SLC24A3: variants seen among roughly 807,000 people sequenced by gnomAD.
SLC24A3 encodes solute carrier family 24 member 3.
A neutral mutation model predicts 75.8 loss-of-function variants in SLC24A3; 28 were observed. That is an observed-to-expected ratio of 0.37 (90% confidence interval 0.27 to 0.51). SLC24A3 has a LOEUF of 0.51. Among genes scored for constraint, SLC24A3 ranks in the 20% least tolerant of loss-of-function variants. SLC24A3 has a pLI of 0.94. For synonymous variants in SLC24A3, 372 were observed against 334.1 expected, an observed-to-expected ratio of 1.11 and a Z score of -1.24; for missense variants, 663 against 847.8, an observed-to-expected ratio of 0.78 and a Z score of 2.71.
chr20:19,603,317 G>A (rs2031552966), intron 6 of SLC24A3, among the ~76,000 whole-genome samples: 1 of 152,176 alleles, frequency 6.6e-6, no homozygotes, highest in South Asian at 2.1e-4. Context: ...CAGCTCAGCA[G>A]GGGGTGATGG....
intron 3 of SLC24A3, among the ~76,000 whole-genome samples, chr20:19,552,637 C>A (rs192456397): frequency 6.6e-6 from 1 of 152,306 alleles, no homozygotes; most frequent in African/African-American, 2.4e-5. Context: ...GAAACAGCAC[C>A]TGATTTCAGC....
At chr20:19,436,046 C>A (rs1987195528) in intron 2 of SLC24A3, among the ~76,000 whole-genome samples, 1 of 152,112 alleles carries the variant, frequency 6.6e-6, no homozygotes, top group Admixed American at 6.5e-5. Flanking sequence ...AGTTCAAATG[C>A]AAATAGTGGA....
chr20:19,239,459 C>T (rs1199873717), intron 1 of SLC24A3, among the ~76,000 whole-genome samples: 1 of 152,198 alleles, frequency 6.6e-6, no homozygotes, highest in East Asian at 1.9e-4. Context: ...TGAGGACCTG[C>T]ACGGGCAACT....
At chr20:19,378,230 A>G (rs1452219147) in intron 2 of SLC24A3, among the ~76,000 whole-genome samples, 2 of 151,986 alleles carry the variant, frequency 1.3e-5, no homozygotes, top group African/African-American at 4.8e-5. Context: ...TTCACTGGGC[A>G]TGCGTGCTGT....
chr20:19,331,455 TAGAG>T (rs542995343), intron 2 of SLC24A3, among the ~76,000 whole-genome samples: 133 of 150,700 alleles, frequency 8.8e-4, no homozygotes, highest in Middle Eastern at 6.8e-3. Context: ...AGATAGATGA[TAGAG>T]AGAGATAATA....
chr20:19,662,009 G>T (rs1379232441), intron 7 of SLC24A3, among the ~76,000 whole-genome samples: 3 of 152,206 alleles, frequency 2.0e-5, no homozygotes, highest in African/African-American at 4.8e-5. Flanking sequence ...TGGAGGAAAT[G>T]AGTGCTTTTT....
At chr20:19,686,115 C>A (rs1248320181) in intron 12 of SLC24A3, among the ~76,000 whole-genome samples, 2 of 152,142 alleles carry the variant, frequency 1.3e-5, no homozygotes, top group African/African-American at 4.8e-5. Flanking sequence ...ACGGTCTTAT[C>A]TTACTTAGCT....
chr20:19,497,400 G>A (rs995603219), intron 2 of SLC24A3, among the ~76,000 whole-genome samples: 1 of 152,190 alleles, frequency 6.6e-6, no homozygotes, highest in Non-Finnish European at 1.5e-5. Flanking sequence ...GTCCTCCGGG[G>A]TCATGTTTCT....
intron 6 of SLC24A3, among the ~76,000 whole-genome samples, chr20:19,650,724 A>G (rs1458403998): frequency 6.6e-6 from 1 of 152,122 alleles, no homozygotes; most frequent in African/African-American, 2.4e-5. Context: ...TATTATTACT[A>G]TACAACCACT....
In SLC24A3 at chr20:19,222,302, T is replaced by C. The variant is rs188590930; in HGVS notation, c.142+9318T>C. ...GTTGTTCCTTTGTTTTGTCTTGTTT[T>C]TCATATTATACATGCTTTCTTCAGA... On this transcript the variant is annotated intron_variant, in intron 1 of 16. Coordinates refer to ENST00000328041, the MANE Select transcript of SLC24A3 (RefSeq NM_020689.4). 3.1e-3 allele frequency among the ~76,000 whole-genome samples: 471 copies of C among 152,344 alleles called. 1 individual carries two copies. The highest frequency in any genetic ancestry group is 4.8e-3 in the Non-Finnish European group (325 of 68,032).
At chr20:19,422,401 G>A (rs955321948) in intron 2 of SLC24A3, among the ~76,000 whole-genome samples, 2 of 152,142 alleles carry the variant, frequency 1.3e-5, no homozygotes, top group Non-Finnish European at 2.9e-5. Flanking sequence ...AGAGCAAGCA[G>A]TTACGGGAGT....
At chr20:19,298,936 G>A (rs1011424625) in intron 2 of SLC24A3, among the ~76,000 whole-genome samples, 1 of 152,132 alleles carries the variant, frequency 6.6e-6, no homozygotes, top group African/African-American at 2.4e-5. Context: ...TCAATGCCTT[G>A]GCACGTCCAG....
intron 1 of SLC24A3, among the ~76,000 whole-genome samples, chr20:19,276,548 G>T (rs1376416581): frequency 1.3e-5 from 2 of 152,168 alleles, no homozygotes; most frequent in African/African-American, 4.8e-5. Context: ...GTAACACAGT[G>T]GTAAATATGT....
At chr20:19,644,603 C>T (rs2032113511) in intron 6 of SLC24A3, among the ~76,000 whole-genome samples, 2 of 152,198 alleles carry the variant, frequency 1.3e-5, no homozygotes, top group South Asian at 2.1e-4. Flanking sequence ...TTAATTCTTC[C>T]TGCAAAACTG....
At chr20:19,245,291 A>G (rs961837206) in intron 1 of SLC24A3, among the ~76,000 whole-genome samples, 3 of 152,214 alleles carry the variant, frequency 2.0e-5, no homozygotes, top group African/African-American at 7.2e-5. Context: ...CAGGATTCCT[A>G]GAAGAAGAAT....
intron 1 of SLC24A3, among the ~76,000 whole-genome samples, chr20:19,241,547 A>G (rs1982328688): frequency 6.6e-6 from 1 of 152,218 alleles, no homozygotes; most frequent in Admixed American, 6.5e-5. Flanking sequence ...TAGCTCTGCC[A>G]GGTCTGAATT....
At chr20:19,458,081 G>T (rs1459780066) in intron 2 of SLC24A3, among the ~76,000 whole-genome samples, 2 of 152,124 alleles carry the variant, frequency 1.3e-5, no homozygotes, top group African/African-American at 4.8e-5. Flanking sequence ...AGGGCAGGGT[G>T]GGAGCTACAG....
chr20:19,595,332 G>T (rs547960710), intron 6 of SLC24A3, among the ~76,000 whole-genome samples: 29 of 152,288 alleles, frequency 1.9e-4, no homozygotes, highest in Middle Eastern at 3.4e-3. Context: ...ATATGGTAAG[G>T]GCTGAAGCAT....
At chr20:19,395,535 AG>A (rs1292127948) in intron 2 of SLC24A3, among the ~76,000 whole-genome samples, 1 of 152,218 alleles carries the variant, frequency 6.6e-6, no homozygotes, top group African/African-American at 2.4e-5. Context: ...ACAGTTCTGT[AG>A]GCATGTAGAG....
Sources: allele counts gnomAD v4.1 joint callset (sites outside exome capture counted in the v4.1 genomes callset), GRCh38; gene constraint gnomAD v4.1.1; transcripts MANE v1.5; gene names NCBI Gene and HGNC (gene_info 2026-07-23, HGNC 2026-07-21).